COL25A1: variants seen among roughly 807,000 people sequenced by gnomAD.
COL25A1 encodes the protein collagen type XXV alpha 1 chain.
In COL25A1, 103 loss-of-function variants were observed where a neutral mutation model predicts 128.4. The ratio of observed to expected loss-of-function variants is 0.80; its 90% CI spans 0.68 to 0.94. The LOEUF (loss-of-function observed/expected upper bound fraction) is 0.94, where lower values mean the gene tolerates loss of function less well. COL25A1 is among the 40% of genes least tolerant of loss of function. The probability of loss-of-function intolerance (pLI) is 0.00; values close to 1 mark genes in which losing one functional copy is unlikely to be tolerated. For synonymous variants in COL25A1, 279 were observed against 277.2 expected, an observed-to-expected ratio of 1.01 and a Z score of -0.06; for missense variants, 745 against 840.0, an observed-to-expected ratio of 0.89 and a Z score of 1.40.
chr4:109,290,788 T>C (rs1724396476), intron 3 of COL25A1, among the ~76,000 whole-genome samples: 1 of 152,096 alleles, frequency 6.6e-6, no homozygotes, highest in South Asian at 2.1e-4. Context: ...AGACTCATAA[T>C]GTTTTAAGAA....
chr4:108,993,188 C>G (rs1221027484), intron 6 of COL25A1, among the ~76,000 whole-genome samples: 1 of 152,158 alleles, frequency 6.6e-6, no homozygotes, highest in South Asian at 2.1e-4. Context: ...CACTCCCACC[C>G]CAAACCCTGC....
At chr4:108,997,062 A>G (rs1320031157) in intron 6 of COL25A1, among the ~76,000 whole-genome samples, 1 of 152,202 alleles carries the variant, frequency 6.6e-6, no homozygotes, top group Non-Finnish European at 1.5e-5. Context: ...TCACAATTAA[A>G]AGAACTAGAG....
At chr4:108,824,379 A>G in intron 34 of COL25A1, 152 bp from the exon 35 acceptor site, 1 of 606,906 alleles carries the variant, frequency 1.6e-6, no homozygotes, top group African/African-American at 1.9e-5. Flanking sequence ...AGCAGTGCTT[A>G]GAAACATAAG....
chr4:108,831,937 G>A (rs1225148406), intron 32 of COL25A1, among the ~76,000 whole-genome samples: 2 of 152,148 alleles, frequency 1.3e-5, no homozygotes, highest in Admixed American at 1.3e-4. Flanking sequence ...ATTTGTAACT[G>A]TGCAGAAAAG....
At chr4:108,957,168 A>G (rs561404609) in intron 8 of COL25A1, among the ~76,000 whole-genome samples, 1 of 152,256 alleles carries the variant, frequency 6.6e-6, no homozygotes, top group East Asian at 1.9e-4. Flanking sequence ...TTTGCTTTCT[A>G]TACATTATCC....
At chr4:108,950,394 C>T (rs1003417341) in intron 8 of COL25A1, among the ~76,000 whole-genome samples, 22 of 152,134 alleles carry the variant, frequency 1.4e-4, no homozygotes, top group Non-Finnish European at 2.8e-4. Context: ...AAGGACTCCC[C>T]TGCCTGAAGC....
At chr4:108,830,371 T>G (rs1413016778) in intron 32 of COL25A1, among the ~76,000 whole-genome samples, 1 of 152,144 alleles carries the variant, frequency 6.6e-6, no homozygotes, top group Non-Finnish European at 1.5e-5. Context: ...TTCTTTTAGG[T>G]TGTTCTAATT....
chr4:109,038,936 A>G (rs531335341), intron 5 of COL25A1, among the ~76,000 whole-genome samples: 1 of 152,118 alleles, frequency 6.6e-6, no homozygotes, highest in Admixed American at 6.5e-5. Context: ...CCCCTACCCA[A>G]GTCTGCTCTT....
At chr4:108,890,886 C>T (rs1040774464) in intron 16 of COL25A1, among the ~76,000 whole-genome samples, 17 of 152,182 alleles carry the variant, frequency 1.1e-4, no homozygotes, top group African/African-American at 3.9e-4. Flanking sequence ...CTGGCTTTGC[C>T]TCAAAGACCC....
chr4:109,224,927 T>C (rs982987091), intron 3 of COL25A1, among the ~76,000 whole-genome samples: 1 of 151,874 alleles, frequency 6.6e-6, no homozygotes, highest in African/African-American at 2.4e-5. Context: ...GCAACAAGAG[T>C]GAAACTCCAT....
chr4:109,205,038 C>T (rs1381679047), intron 3 of COL25A1, among the ~76,000 whole-genome samples: 1 of 152,058 alleles, frequency 6.6e-6, no homozygotes, highest in Non-Finnish European at 1.5e-5. Flanking sequence ...AGGAGCATGG[C>T]AAAAAGTGTT....
intron 3 of COL25A1, among the ~76,000 whole-genome samples, chr4:109,066,075 T>C (rs1762423420): frequency 6.6e-6 from 1 of 152,196 alleles, no homozygotes; most frequent in Non-Finnish European, 1.5e-5. Context: ...TAGTGACAGC[T>C]GCAGAAATGT....
chr4:109,302,185 G>T lies in COL25A1; in HGVS notation c.-73C>A. ...GATACGGACCCCTGCCTTGCTCAGCGTCCAGACCCGCAGGCGTGCACCATC... is the reference window on the plus strand; with the variant it reads ...GATACGGACCCCTGCCTTGCTCAGCTTCCAGACCCGCAGGCGTGCACCATC... On this transcript the variant is annotated 5_prime_UTR_variant, in exon 1 of 38. Transcript: ENST00000399132. 2 of 851,966 alleles carry T rather than the reference G, an allele frequency of 2.3e-6. No homozygotes were observed. The highest frequency in any genetic ancestry group is 3.5e-6 in the Non-Finnish European group (2 of 573,504). 52.8% of individuals were successfully genotyped at this position (851,966 alleles called of 1,614,324 possible).
intron 26 of COL25A1, among the ~76,000 whole-genome samples, chr4:108,851,777 T>C (rs1380484365): frequency 6.6e-6 from 1 of 152,162 alleles, no homozygotes; most frequent in Non-Finnish European, 1.5e-5. Context: ...TTATGAAAAA[T>C]GATTCCTAAA....
intron 3 of COL25A1, among the ~76,000 whole-genome samples, chr4:109,153,783 G>T (rs1172371560): frequency 3.9e-5 from 6 of 152,146 alleles, no homozygotes; most frequent in Admixed American, 2.0e-4. Context: ...CAAAAAATAA[G>T]ATTTTTTATT....
rs191902982 is a variant in COL25A1 at position 109,132,186 on chromosome 4, C to A, written c.368-82007G>T. ...CAACAAAGCCTCATGGAGGAAAAGC[C>A]ATTAGACTTTAAATAGTCTACAGTC... On this transcript the variant is annotated intron_variant, in intron 3 of 37. Coordinates refer to ENST00000399132, the MANE Select transcript of COL25A1 (RefSeq NM_198721.4). Among the ~76,000 whole-genome samples, 868 of 152,252 alleles carry A rather than the reference C, an allele frequency of 5.7e-3. 5 individuals carry two copies. Among genetic ancestry groups the A allele is most frequent in the African/African-American group, 0.02 (833 of 41,560 alleles).
At chr4:109,275,262 G>A (rs193141132) in intron 3 of COL25A1, among the ~76,000 whole-genome samples, 32 of 152,238 alleles carry the variant, frequency 2.1e-4, no homozygotes, top group African/African-American at 7.5e-4. Flanking sequence ...CTCAAGTAGA[G>A]AAAACCATCT....
intron 3 of COL25A1, among the ~76,000 whole-genome samples, chr4:109,180,133 T>C (rs917304557): frequency 2.0e-5 from 3 of 152,220 alleles, no homozygotes; most frequent in Admixed American, 2.0e-4. Context: ...TCAGAGTTTA[T>C]TTGGAGAAGA....
At chr4:108,914,041 A>C (rs1744576699) in intron 13 of COL25A1, among the ~76,000 whole-genome samples, 1 of 152,216 alleles carries the variant, frequency 6.6e-6, no homozygotes, top group South Asian at 2.1e-4. Context: ...TTTGTGTTCA[A>C]TATAATTAGC....
Sources: allele counts gnomAD v4.1 joint callset (sites outside exome capture counted in the v4.1 genomes callset), GRCh38; gene constraint gnomAD v4.1.1; transcripts MANE v1.5; gene names NCBI Gene and HGNC (gene_info 2026-07-23, HGNC 2026-07-21).